RASSF2: variants seen among roughly 807,000 people sequenced by gnomAD.
RASSF2 encodes the protein Ras association domain family member 2.
Under a neutral mutation model 46.3 loss-of-function variants are expected in RASSF2, and 34 were observed. The ratio of observed to expected loss-of-function variants is 0.73; its 90% CI spans 0.56 to 0.98. The LOEUF (loss-of-function observed/expected upper bound fraction) is 0.98, where lower values mean the gene tolerates loss of function less well. RASSF2 is among the 50% of genes least tolerant of loss of function. The pLI, the probability that RASSF2 is intolerant of heterozygous loss-of-function variation, is 0.00. For synonymous variants in RASSF2, 158 were observed against 162.5 expected, an observed-to-expected ratio of 0.97 and a Z score of 0.21; for missense variants, 364 against 431.2, an observed-to-expected ratio of 0.84 and a Z score of 1.38.
chr20:4,820,121 C>T (rs1395025163), intron 2 of RASSF2, among the ~76,000 whole-genome samples: 2 of 152,198 alleles, frequency 1.3e-5, no homozygotes, highest in Non-Finnish European at 2.9e-5. Flanking sequence ...CCTCACACGG[C>T]CATGTGGTCC....
intron 2 of RASSF2, among the ~76,000 whole-genome samples, chr20:4,803,727 A>G (rs1927091046): frequency 1.3e-5 from 2 of 152,242 alleles, no homozygotes; most frequent in East Asian, 1.9e-4. Flanking sequence ...ACTGCACTCT[A>G]GCCTGGGCAA....
At chr20:4,804,244 A>AT (rs1022974975) in intron 2 of RASSF2, among the ~76,000 whole-genome samples, 10 of 150,496 alleles carry the variant, frequency 6.6e-5, no homozygotes, top group Non-Finnish European at 1.0e-4. Flanking sequence ...AAATTTTATT[A>AT]TTTTTTTTAC....
chr20:4,801,102 G>T (rs1010878128), intron 2 of RASSF2, 40 bp from the exon 3 acceptor site: 23 of 1,538,256 alleles, frequency 1.5e-5, no homozygotes, highest in Non-Finnish European at 2.0e-5. Flanking sequence ...AAGTCAAGTT[G>T]TGTGCTTGGG....
intron 11 of RASSF2, among the ~76,000 whole-genome samples, 160 bp downstream of exon 11, chr20:4,786,071 C>T (rs1211125319): frequency 1.3e-5 from 2 of 152,142 alleles, no homozygotes; most frequent in African/African-American, 4.8e-5. Context: ...ACTGTCACGT[C>T]CTCACTTGAA....
intron 6 of RASSF2, among the ~76,000 whole-genome samples, chr20:4,791,375 C>T (rs941272162): frequency 4.3e-4 from 65 of 152,162 alleles, no homozygotes; most frequent in African/African-American, 1.5e-3. Flanking sequence ...CTTTTAATAC[C>T]ACTGAACTGT....
At chr20:4,814,309 CCT>C (rs1260887192) in intron 2 of RASSF2, among the ~76,000 whole-genome samples, 5 of 152,286 alleles carry the variant, frequency 3.3e-5, no homozygotes, top group Non-Finnish European at 5.9e-5. Flanking sequence ...CTCCGGGTCC[CCT>C]GTTTCCTACA....
chr20:4,805,490 A>G (rs1927272029), intron 2 of RASSF2, among the ~76,000 whole-genome samples: 1 of 152,102 alleles, frequency 6.6e-6, no homozygotes, highest in Admixed American at 6.5e-5. Flanking sequence ...GCCCAGAGAA[A>G]CTGACTTCAA....
intron 4 of RASSF2, among the ~76,000 whole-genome samples, chr20:4,796,718 GCTTATGACTATGAAATC>G (rs1424331179): frequency 6.6e-6 from 1 of 152,150 alleles, no homozygotes; most frequent in Non-Finnish European, 1.5e-5. Context: ...ATTGGGACTC[GCTTATGACTATGAAATC>G]CTTTAATCAT....
In RASSF2 at chr20:4,788,384, G is replaced by A. The variant is rs913028458; in HGVS notation, c.640-116C>T. 5 of 896,678 alleles carry A rather than the reference G, an allele frequency of 5.6e-6. No homozygotes were observed. The African/African-American group carries it at 8.3e-5, about 15-fold the overall frequency. The allele number at this position is 896,678 out of a possible 1,614,324, so 55.5% of individuals were successfully genotyped here. A position where few individuals can be genotyped will look rare whatever the true frequency, so the allele number is the denominator to read the frequency against. On this transcript the variant is annotated intron_variant, in intron 8 of 11. Transcript: ENST00000379400. The stretch of plus-strand genomic sequence containing the variant: ...AGTCAATTTTAGGCTGTTTTGAGGG[G>A]AGAGCTATTTATCTACAACTCTCAG...
At chr20:4,808,642 A>G (rs117226385) in intron 2 of RASSF2, among the ~76,000 whole-genome samples, 1,693 of 152,072 alleles carry the variant, frequency 0.011, 89 homozygotes, top group East Asian at 0.11. Flanking sequence ...ACACGCCACC[A>G]TACCTGGCTA....
At chr20:4,807,185 C>T (rs73893838) in intron 2 of RASSF2, among the ~76,000 whole-genome samples, 5,494 of 152,108 alleles carry the variant, frequency 0.036, 339 homozygotes, top group African/African-American at 0.12. Context: ...AATTCGCTGG[C>T]GTTTGGAAGG....
At chr20:4,797,366 A>G (rs1344270007) in intron 4 of RASSF2, among the ~76,000 whole-genome samples, 1 of 152,184 alleles carries the variant, frequency 6.6e-6, no homozygotes, top group African/African-American at 2.4e-5. Flanking sequence ...TGTGTTTCAA[A>G]GGGCATTACA....
chr20:4,790,411 A>C lies in RASSF2; in HGVS notation c.537+40T>G. ...AGCCCTGAGGTGGCATCTACCCAGG[A>C]AGAGGTCTTCCACCCTCCCCGTCCC... On this transcript the variant is annotated intron_variant, in intron 7 of 11. Coordinates refer to ENST00000379400, the MANE Select transcript of RASSF2 (RefSeq NM_014737.3). The surrounding 1 kb of genome is among the most constrained non-coding windows in gnomAD (Gnocchi z 4.3). 7.1e-7 allele frequency: 1 copy of C among 1,417,628 alleles called. No individual in the cohort carries two copies. Among genetic ancestry groups the C allele is most frequent in the Non-Finnish European group, 9.2e-7 (1 of 1,083,240 alleles). The allele number at this position is 1,417,628 out of a possible 1,614,324, so 87.8% of individuals were successfully genotyped here. A position where few individuals can be genotyped will look rare whatever the true frequency, so the allele number is the denominator to read the frequency against.
chr20:4,784,420 A>G (rs1480899184), intron 11 of RASSF2, 78 bp from the exon 12 acceptor site: 2 of 1,367,086 alleles, frequency 1.5e-6, no homozygotes, highest in Admixed American at 1.7e-5. Context: ...CCACCTGGGT[A>G]ACACCAAGGT....
chr20:4,797,296 A>C (rs1488621604), intron 4 of RASSF2, among the ~76,000 whole-genome samples: 4 of 152,208 alleles, frequency 2.6e-5, no homozygotes, highest in Non-Finnish European at 5.9e-5. Context: ...TAGCAGCTGA[A>C]ATTCCACCAT....
intron 9 of RASSF2, 24 bp downstream of exon 9, chr20:4,788,193 G>A: frequency 6.5e-7 from 1 of 1,548,320 alleles, no homozygotes; most frequent in Non-Finnish European, 8.9e-7. Context: ...AAGTTTTAAA[G>A]TACACTGTGG....
In RASSF2 at chr20:4,808,449, A is replaced by G. The variant is rs150004321; in HGVS notation, c.-32-7387T>C. ...ACAGAGAAAGGAGAAGAGGGGCAGA[A>G]AGGGGACAAGAAAGAAAGGGCAAAT... On this transcript the variant is annotated intron_variant, in intron 2 of 11. Coordinates refer to ENST00000379400, the MANE Select transcript of RASSF2 (RefSeq NM_014737.3). Among the ~76,000 whole-genome samples the G allele has an allele frequency of 2.9e-3, 438 of 151,806 alleles. 3 individuals carry two copies. Among genetic ancestry groups the G allele is most frequent in the African/African-American group, 0.01 (424 of 41,372 alleles).
chr20:4,791,690 C>T (rs185234791), intron 6 of RASSF2, among the ~76,000 whole-genome samples: 411 of 152,322 alleles, frequency 2.7e-3, no homozygotes, highest in Non-Finnish European at 4.2e-3. Context: ...AAGAATCCTA[C>T]ACGCTGACAA....
intron 1 of RASSF2, 121 bp downstream of exon 1, chr20:4,823,436 C>G (rs1203683169): frequency 1.3e-5 from 2 of 152,260 alleles, no homozygotes; most frequent in East Asian, 3.9e-4. Flanking sequence ...GGGCCGGGCT[C>G]AAATCCAGCC....
Sources: allele counts gnomAD v4.1 joint callset (sites outside exome capture counted in the v4.1 genomes callset), GRCh38; gene constraint gnomAD v4.1.1; non-coding constraint Gnocchi (gnomAD v3.1); transcripts MANE v1.5; gene names NCBI Gene and HGNC (gene_info 2026-07-23, HGNC 2026-07-21).